Variants in ADAMTSL1 observed in about 807,000 individuals in gnomAD.
The protein encoded by ADAMTSL1 is ADAMTS-like protein 1.
ADAMTSL1 carries 126 observed loss-of-function variants against 201.8 expected under a neutral mutation model. That is an observed-to-expected ratio of 0.62 (90% CI 0.54 to 0.72). The LOEUF (loss-of-function observed/expected upper bound fraction) is 0.72, where lower values mean the gene tolerates loss of function less well. Ranked by LOEUF, ADAMTSL1 falls within the 30% of genes least tolerant of loss-of-function variation. The pLI is 0.00. For missense variants in ADAMTSL1, 2,679 were observed against 2,277.8 expected (o/e 1.18, Z -3.59); for synonymous variants, 1,121 against 903.4 (o/e 1.24, Z -4.32).
intron 1 of ADAMTSL1, among the ~76,000 whole-genome samples, chr9:18,080,183 G>T (rs553545250): frequency 9.3e-4 from 141 of 152,266 alleles, no homozygotes; most frequent in Non-Finnish European, 1.5e-3. Context: ...ATAGATGAGA[G>T]GACTGAACCA....
intron 2 of ADAMTSL1, among the ~76,000 whole-genome samples, chr9:18,329,698 C>T (rs999988037): frequency 7.2e-5 from 11 of 152,302 alleles, no homozygotes; most frequent in South Asian, 2.1e-4. Flanking sequence ...CCAAGTGCTG[C>T]GGCCAAAACC....
chr9:18,788,046 C>A (rs2133809070), intron 19 of ADAMTSL1, among the ~76,000 whole-genome samples: 1 of 152,330 alleles, frequency 6.6e-6, no homozygotes, highest in African/African-American at 2.4e-5. Context: ...ATACTTCCAT[C>A]TGAGCAATCA....
chr9:17,931,640 G>A (rs569040494), intron 1 of ADAMTSL1, among the ~76,000 whole-genome samples: 2 of 152,104 alleles, frequency 1.3e-5, no homozygotes, highest in African/African-American at 4.8e-5. Context: ...TGCAGTCTCA[G>A]ATCAGTGTTG....
chr9:18,276,461 A>C (rs1373471896), intron 2 of ADAMTSL1, among the ~76,000 whole-genome samples: 1 of 152,166 alleles, frequency 6.6e-6, no homozygotes, highest in Non-Finnish European at 1.5e-5. Flanking sequence ...AAAGTTTTAT[A>C]GTTTCAGCTG....
At chr9:18,260,388 T>C (rs1831869807) in intron 2 of ADAMTSL1, among the ~76,000 whole-genome samples, 1 of 152,250 alleles carries the variant, frequency 6.6e-6, no homozygotes, top group African/African-American at 2.4e-5. Flanking sequence ...GCCTTCTTTT[T>C]AGTACACAGA....
chr9:18,647,393 C>G (rs1298331564), intron 7 of ADAMTSL1, among the ~76,000 whole-genome samples: 1 of 149,960 alleles, frequency 6.7e-6, no homozygotes, highest in East Asian at 1.9e-4. Context: ...TCCTTCAGTT[C>G]TGCTCTGATT....
intron 4 of ADAMTSL1, among the ~76,000 whole-genome samples, chr9:18,617,930 A>G (rs1825803541): frequency 1.3e-5 from 2 of 152,194 alleles, no homozygotes; most frequent in Non-Finnish European, 2.9e-5. Flanking sequence ...GTATTAGACC[A>G]AAATATTCAG....
intron 1 of ADAMTSL1, among the ~76,000 whole-genome samples, chr9:18,159,719 T>A (rs1827305068): frequency 6.6e-6 from 1 of 152,034 alleles, no homozygotes; most frequent in Non-Finnish European, 1.5e-5. Flanking sequence ...AATTGTGAGC[T>A]GATGAGTCAG....
intron 2 of ADAMTSL1, among the ~76,000 whole-genome samples, chr9:18,241,203 C>T (rs992145415): frequency 1.3e-5 from 2 of 152,144 alleles, no homozygotes; most frequent in African/African-American, 4.8e-5. Flanking sequence ...CACTAAGGTA[C>T]ATTTCTAGGT....
At chr9:18,659,287 A>G (rs908143002) in intron 8 of ADAMTSL1, among the ~76,000 whole-genome samples, 4 of 152,256 alleles carry the variant, frequency 2.6e-5, no homozygotes, top group Admixed American at 2.0e-4. Flanking sequence ...GTTTCTATCT[A>G]CACAATGTAA....
chr9:18,838,605 T>A (rs1825488693), intron 23 of ADAMTSL1, among the ~76,000 whole-genome samples: 1 of 152,110 alleles, frequency 6.6e-6, no homozygotes, highest in Admixed American at 6.6e-5. Flanking sequence ...GATGGGAGGA[T>A]TGCTTGAGGT....
chr9:17,969,855 T>G (rs551912993), intron 1 of ADAMTSL1, among the ~76,000 whole-genome samples: 1 of 152,112 alleles, frequency 6.6e-6, no homozygotes, highest in Non-Finnish European at 1.5e-5. Flanking sequence ...TTTAGGCATA[T>G]GCAAACTTGT....
chr9:18,233,985 G>A (rs1830744943), intron 2 of ADAMTSL1, among the ~76,000 whole-genome samples: 1 of 152,212 alleles, frequency 6.6e-6, no homozygotes, highest in Non-Finnish European at 1.5e-5. Context: ...TGGCCAACAT[G>A]TGAGCACTTG....
intron 3 of ADAMTSL1, among the ~76,000 whole-genome samples, chr9:18,534,064 T>C (rs1411516535): frequency 6.6e-6 from 1 of 152,184 alleles, no homozygotes; most frequent in Middle Eastern, 3.2e-3. Flanking sequence ...AATTGAAATA[T>C]ATTTTTGAGG....
In ADAMTSL1 at chr9:18,135,730, A is replaced by G. The variant is rs145453229; in HGVS notation, c.88-28132A>G. Among the ~76,000 whole-genome samples, 556 of 152,278 alleles carry G rather than the reference A, an allele frequency of 3.7e-3. 1 individual carries two copies. Among genetic ancestry groups the G allele is most frequent in the Non-Finnish European group, 5.5e-3 (376 of 68,014 alleles). The stretch of plus-strand genomic sequence containing the variant: ...TATCTATCATATGTGTATGTATCCT[A>G]TATGTATACCTTGTATATACACATA... On this transcript the variant is annotated intron_variant, in intron 1 of 29. Coordinates refer to the ADAMTSL1 transcript ENST00000680146.
intron 4 of ADAMTSL1, among the ~76,000 whole-genome samples, chr9:18,621,707 A>G (rs146800712): frequency 1.8e-4 from 27 of 152,272 alleles, no homozygotes; most frequent in Non-Finnish European, 3.1e-4. Flanking sequence ...TTGAGGGCCT[A>G]CAATTGACCA....
rs1019814320 is a variant in ADAMTSL1 at position 18,608,979 on chromosome 9, C to T, written c.475-13264C>T. Among the ~76,000 whole-genome samples the T allele has an allele frequency of 3.9e-5, 6 of 152,086 alleles. No individual in the cohort carries two copies. In the South Asian group the frequency reaches 8.3e-4, roughly 21 times the overall value. ...TTATACTAAGATGGGTTGCTGAATG[C>T]CCACTTTCTTTCATTACATTCAACT... On this transcript the variant is annotated intron_variant, in intron 4 of 28. Coordinates refer to ENST00000380548, the MANE Select transcript of ADAMTSL1 (RefSeq NM_001040272.6).
intron 2 of ADAMTSL1, among the ~76,000 whole-genome samples, chr9:18,365,159 A>C (rs1176122551): frequency 6.6e-6 from 1 of 152,060 alleles, no homozygotes; most frequent in African/African-American, 2.4e-5. Context: ...AACCAACCTA[A>C]ATTTCCACCA....
intron 25 of ADAMTSL1, among the ~76,000 whole-genome samples, chr9:18,891,457 A>T (rs1829267172): frequency 6.6e-6 from 1 of 152,146 alleles, no homozygotes; most frequent in African/African-American, 2.4e-5. Flanking sequence ...GAGAATTACC[A>T]CAGGGTGCAC....
Sources: gnomAD v4.1 joint callset for allele counts (sites outside exome capture counted in the v4.1 genomes callset) on GRCh38, gnomAD v4.1.1 for gene constraint, MANE v1.5 for transcripts, NCBI Gene and HGNC (gene_info 2026-07-23, HGNC 2026-07-21) for gene names.